SPATS2L: variants seen among roughly 807,000 people sequenced by gnomAD.
SPATS2L encodes the protein SPATS2-like protein.
A neutral mutation model predicts 59.6 loss-of-function variants in SPATS2L; 30 were observed. The observed-to-expected ratio is 0.50, with a 90% CI of 0.38 to 0.68. SPATS2L has a LOEUF of 0.68. Ranked by LOEUF, SPATS2L falls within the 30% of genes least tolerant of loss-of-function variation. The pLI is 0.00. For synonymous variants in SPATS2L, 252 were observed against 263.5 expected (o/e 0.96, Z 0.42); for missense variants, 615 against 700.0 (o/e 0.88, Z 1.37).
chr2:200,472,785 C>A (rs778820062), intron 11 of SPATS2L, 47 bp from the exon 12 acceptor site: 5 of 1,517,098 alleles, frequency 3.3e-6, no homozygotes, highest in Non-Finnish European at 4.6e-6. Context: ...ACTGAGGCAG[C>A]AGTGTTGGAG....
rs150590514 is a variant in SPATS2L at position 200,400,508 on chromosome 2, A to G, written c.39+11225A>G. 3.3e-4 allele frequency among the ~76,000 whole-genome samples: 50 copies of G among 152,370 alleles called. No individual in the cohort carries two copies. The East Asian group carries it at 9.6e-3, about 29-fold the overall frequency. Reference sequence around the variant, plus strand: ...TAACAATGATTTGAGAGTTATATGTATATATTTAAACTTCCCAGTGTCAGA... The same window carrying G: ...TAACAATGATTTGAGAGTTATATGTGTATATTTAAACTTCCCAGTGTCAGA... On this transcript the variant is annotated intron_variant, in intron 3 of 12. Transcript: ENST00000409140.
intron 2 of SPATS2L, among the ~76,000 whole-genome samples, chr2:200,353,278 C>A (rs1033874325): frequency 6.6e-6 from 1 of 152,164 alleles, no homozygotes; most frequent in Admixed American, 6.5e-5. Context: ...ACAGCTTGAT[C>A]GCTGCGTTGA....
intron 2 of SPATS2L, among the ~76,000 whole-genome samples, chr2:200,349,856 A>G (rs1425799688): frequency 6.6e-6 from 1 of 152,128 alleles, no homozygotes; most frequent in Non-Finnish European, 1.5e-5. Flanking sequence ...CCTCCCACCA[A>G]AGTGTCAACA....
intron 3 of SPATS2L, among the ~76,000 whole-genome samples, chr2:200,407,951 G>A (rs929686043): frequency 1.7e-4 from 26 of 152,148 alleles, no homozygotes; most frequent in African/African-American, 3.1e-4. Context: ...CGTATTAGTC[G>A]CTTGTGAATG....
At chr2:200,348,421 A>C (rs923880272) in intron 2 of SPATS2L, among the ~76,000 whole-genome samples, 1 of 152,256 alleles carries the variant, frequency 6.6e-6, no homozygotes, top group Non-Finnish European at 1.5e-5. Context: ...TGCAGAAGCC[A>C]GTATTGATTT....
intron 6 of SPATS2L, among the ~76,000 whole-genome samples, chr2:200,432,006 A>G (rs2083967274): frequency 6.6e-6 from 1 of 152,274 alleles, no homozygotes; most frequent in Non-Finnish European, 1.5e-5. Flanking sequence ...CTGAGTGTAA[A>G]TGGTACAACT....
At chr2:200,351,696 G>A (rs567755229) in intron 2 of SPATS2L, among the ~76,000 whole-genome samples, 160 of 148,334 alleles carry the variant, frequency 1.1e-3, no homozygotes, top group African/African-American at 3.8e-3. Flanking sequence ...TCAGTAGCGA[G>A]GAGTTATAGA....
chr2:200,328,304 T>TTA lies in SPATS2L; in HGVS notation c.-72-1123_-72-1122dup, dbSNP rs1333505603. The stretch of plus-strand genomic sequence containing the variant: ...TACAAAGTGTAGGCTGTGTCCTGTG[T>TTA]TATATCTTTGGCATTATTCATGGTG... On this transcript the variant is annotated intron_variant, in intron 1 of 12. Coordinates refer to ENST00000409140, the MANE Select transcript of SPATS2L (RefSeq NM_001100423.2). Among the ~76,000 whole-genome samples the TTA allele has an allele frequency of 2.6e-5, 4 of 152,306 alleles. No homozygotes were observed. In the East Asian group the frequency reaches 7.7e-4, roughly 29 times the overall value.
chr2:200,377,195 A>G (rs1201276589), intron 2 of SPATS2L, among the ~76,000 whole-genome samples: 2 of 152,218 alleles, frequency 1.3e-5, no homozygotes, highest in Non-Finnish European at 2.9e-5. Context: ...CTGATGAGGA[A>G]ACACGGCCTA....
chr2:200,443,788 G>T (rs2084854001), intron 8 of SPATS2L, among the ~76,000 whole-genome samples: 1 of 152,152 alleles, frequency 6.6e-6, no homozygotes, highest in Non-Finnish European at 1.5e-5. Flanking sequence ...TGAGAGGCTG[G>T]GAGCAAGCTG....
rs73059814 is a variant in SPATS2L, at chr2:200,419,213, A to T, written c.199-37A>T. On this transcript the variant is annotated intron_variant, in intron 5 of 12. Transcript: ENST00000409140. ...ATTCACCTTATATTTCAAGAGTCTG[A>T]GTTGAATATTATGTTCTCATTTGTT... 2.0e-3 allele frequency: 3,031 copies of T among 1,524,604 alleles called. 52 individuals carry two copies. In the African/African-American group the frequency reaches 0.038, roughly 19 times the overall value. The allele number at this position is 1,524,604 out of a possible 1,614,324, so 94.4% of individuals were successfully genotyped here. A position where few individuals can be genotyped will look rare whatever the true frequency, so the allele number is the denominator to read the frequency against.
At chr2:200,470,797 C>T (rs1323903276) in intron 11 of SPATS2L, among the ~76,000 whole-genome samples, 1 of 152,202 alleles carries the variant, frequency 6.6e-6, no homozygotes, top group Non-Finnish European at 1.5e-5. Context: ...TTGCTTTTAT[C>T]ACTTCACAAT....
At chr2:200,361,466 AT>A (rs1464889622) in intron 2 of SPATS2L, among the ~76,000 whole-genome samples, 2 of 152,248 alleles carry the variant, frequency 1.3e-5, no homozygotes, top group African/African-American at 2.4e-5. Context: ...AATTAAAAAA[AT>A]ATCTGCAGGG....
At chr2:200,423,639 T>C (rs2083403996) in intron 6 of SPATS2L, among the ~76,000 whole-genome samples, 1 of 152,068 alleles carries the variant, frequency 6.6e-6, no homozygotes, top group South Asian at 2.1e-4. Flanking sequence ...TAGAAAAAAG[T>C]CACAATAACA....
At chr2:200,422,651 A>C (rs1439659863) in intron 6 of SPATS2L, among the ~76,000 whole-genome samples, 2 of 152,098 alleles carry the variant, frequency 1.3e-5, no homozygotes, top group Non-Finnish European at 2.9e-5. Flanking sequence ...TTAGCAGCCC[A>C]TTTGTTATGA....
At chr2:200,467,491 G>A (rs2086678612) in intron 10 of SPATS2L, 92 bp downstream of exon 10, 3 of 843,808 alleles carry the variant, frequency 3.6e-6, no homozygotes, top group Non-Finnish European at 5.9e-6. Context: ...GCTCTCTGAG[G>A]ATCTAACATG....
chr2:200,416,102 T>G (rs1018934970), intron 4 of SPATS2L, among the ~76,000 whole-genome samples: 1 of 152,140 alleles, frequency 6.6e-6, no homozygotes, highest in African/African-American at 2.4e-5. Context: ...TCTCAAGATA[T>G]ATTTCATTTT....
intron 9 of SPATS2L, among the ~76,000 whole-genome samples, chr2:200,465,492 T>C (rs996750831): frequency 6.6e-6 from 1 of 152,232 alleles, no homozygotes; most frequent in African/African-American, 2.4e-5. Flanking sequence ...CAATCTGTTG[T>C]CTACATTGAG....
At position 200,473,029 on chromosome 2, in the gene SPATS2L, C is replaced by G; in HGVS notation, c.1258C>G (p.Gln420Glu). Residue 420 changes from glutamine (Q) to glutamate (E), a missense_variant, in exon 12 of 13, where the codon CAG (glutamine) becomes GAG (glutamate). Coordinates refer to ENST00000409140, the MANE Select transcript of SPATS2L (RefSeq NM_001100423.2). Reference sequence around the variant, plus strand: ...CCCCAGCACCGCCGACCCCTCTCACCAGACCATGCCGGCCAACAAGCAGGT... The same window carrying G: ...CCCCAGCACCGCCGACCCCTCTCACGAGACCATGCCGGCCAACAAGCAGGT... Reference protein sequence around the residue: ...SLPSTADPSHQTMPANKQNGS... With the variant: ...SLPSTADPSHETMPANKQNGS... 1 of 1,613,158 alleles carries G rather than the reference C, an allele frequency of 6.2e-7. No homozygotes were observed. The highest frequency in any genetic ancestry group is 1.1e-5 in the South Asian group (1 of 91,020).
Sources: allele counts gnomAD v4.1 joint callset (sites outside exome capture counted in the v4.1 genomes callset), GRCh38; gene constraint gnomAD v4.1.1; transcripts MANE v1.5; gene names NCBI Gene and HGNC (gene_info 2026-07-23, HGNC 2026-07-21).